Variants in DHX36 observed in about 807,000 individuals in gnomAD.
The protein encoded by DHX36 is ATP-dependent DNA/RNA helicase DHX36.
Under a neutral mutation model 139.0 loss-of-function variants are expected in DHX36, and 50 were observed. That is an observed-to-expected ratio of 0.36 (90% CI 0.29 to 0.46). DHX36 has a LOEUF of 0.46. DHX36 is among the 20% of genes least tolerant of loss of function. DHX36 has a pLI of 1.00. For missense variants in DHX36, 1,024 were observed against 1,211.3 expected (o/e 0.85, Z 2.29); for synonymous variants, 425 against 401.9 (o/e 1.06, Z -0.69).
rs552302622 is a variant in DHX36, at chr3:154,317,151, G to C, written c.244-988C>G. Reference sequence around the variant, plus strand: ...TCAAAGAACTGTTTTCAAATTCAAGGGTGGATCCTGAGAGAGCAGCAGTAA... The same window carrying C: ...TCAAAGAACTGTTTTCAAATTCAAGCGTGGATCCTGAGAGAGCAGCAGTAA... On this transcript the variant is annotated intron_variant, in intron 1 of 24. Coordinates refer to ENST00000496811, the MANE Select transcript of DHX36 (RefSeq NM_020865.3). 4.6e-5 allele frequency among the ~76,000 whole-genome samples: 7 copies of C among 152,102 alleles called. No homozygotes were observed. The South Asian group carries it at 1.2e-3, about 27-fold the overall frequency.
chr3:154,300,805 G>C (rs1712239155), intron 10 of DHX36, 109 bp from the exon 11 acceptor site: 1 of 1,264,604 alleles, frequency 7.9e-7, no homozygotes, highest in Non-Finnish European at 1.1e-6. Flanking sequence ...ATAATCTACA[G>C]ATCGGAGAGA....
At chr3:154,279,820 A>C (rs1576854767) in intron 22 of DHX36, 1 of 152,232 alleles carries the variant, frequency 6.6e-6, no homozygotes, top group East Asian at 1.9e-4. Flanking sequence ...GTTACTACAC[A>C]ATGACTGTTT....
intron 17 of DHX36, 108 bp downstream of exon 17, chr3:154,288,758 G>T: frequency 2.0e-6 from 1 of 504,624 alleles, no homozygotes; most frequent in Non-Finnish European, 3.3e-6. Flanking sequence ...ATTTGGCATT[G>T]GACATTATTG....
intron 12 of DHX36, among the ~76,000 whole-genome samples, chr3:154,297,188 C>T (rs1006613061): frequency 1.3e-5 from 2 of 152,014 alleles, no homozygotes; most frequent in African/African-American, 4.8e-5. Context: ...TTTGAACAGG[C>T]TAGTTGTGAA....
chr3:154,283,229 C>T lies in DHX36; in HGVS notation c.2335G>A (p.Asp779Asn), dbSNP rs983909341. The T allele has an allele frequency of 1.2e-6, 2 of 1,613,854 alleles. No individual in the cohort carries two copies. The highest frequency in any genetic ancestry group is 2.7e-5 in the African/African-American group (2 of 75,036). Residue 779 changes from aspartate (D) to asparagine (N), a missense_variant, in exon 20 of 25, where the codon GAC (aspartate) becomes AAC (asparagine). By Grantham distance (23) the Asp-to-Asn change is conservative. Coordinates refer to ENST00000496811, the MANE Select transcript of DHX36 (RefSeq NM_020865.3). ...ARRRGFRYEK[D>N]YCWEYFLSSN... ...GACAGAAAATATTCCCAGCAATAGT[C>T]CTTTTCGTATCTGAAACCACGTCGC...
chr3:154,300,063 G>T, intron 11 of DHX36, 138 bp from the exon 12 acceptor site: 2 of 608,922 alleles, frequency 3.3e-6, no homozygotes, highest in South Asian at 4.4e-5. Context: ...AAGTATATAA[G>T]CTTTTTTTTT....
chr3:154,314,832 A>G, intron 3 of DHX36: 1 of 436,976 alleles, frequency 2.3e-6, no homozygotes, highest in South Asian at 4.1e-5. Context: ...TTCTCACCAC[A>G]TAAGCTTCTG....
chr3:154,312,226 C>T (rs1462201159), intron 3 of DHX36: 2 of 152,114 alleles, frequency 1.3e-5, no homozygotes, highest in East Asian at 1.9e-4. Context: ...AAGATTTTAT[C>T]TCATACGGTT....
Position 154,299,889 on chromosome 3 carries a change from T to C in DHX36, c.1498A>G (p.Asn500Asp), listed in dbSNP as rs1712198062. Reference protein sequence around the residue: ...AILVFLPGWDNISTLHDLLMS... With the variant: ...AILVFLPGWDDISTLHDLLMS... ...AAGAGATCATGTAAAGTGCTGATAT[T>C]GTCCCAGCCTGGCAGAAAGACCAGT... The change falls in exon 12 of 25, where the codon AAT (asparagine) becomes GAT (aspartate). Residue 500 changes from asparagine to aspartate, a missense_variant. Asn to Asp is a conservative substitution (Grantham distance 23, BLOSUM62 1). Around this residue, in one of 4 missense-constraint regions of DHX36, gnomAD observed 470 missense variants for 616.2 expected, o/e 0.76. Coordinates refer to ENST00000496811, the MANE Select transcript of DHX36 (RefSeq NM_020865.3). 1 of 1,613,856 alleles carries C rather than the reference T, an allele frequency of 6.2e-7. No homozygotes were observed. The highest frequency in any genetic ancestry group is 8.5e-7 in the Non-Finnish European group (1 of 1,179,776).
At chr3:154,280,693 G>A (rs1390370181) in intron 21 of DHX36, 24 bp from the exon 22 acceptor site, 3 of 1,606,888 alleles carry the variant, frequency 1.9e-6, no homozygotes, top group Non-Finnish European at 2.6e-6. Flanking sequence ...GAAGGTAGAG[G>A]GGAAAAGAAA....
rs1444301834 is a variant in DHX36, at chr3:154,300,676, T to A, written c.1379A>T (p.Asp460Val). 6.2e-7 allele frequency: 1 copy of A among 1,613,214 alleles called. No homozygotes were observed. Among genetic ancestry groups the A allele is most frequent in the Non-Finnish European group, 8.5e-7 (1 of 1,179,332 alleles). The change falls in exon 11 of 25, where the codon GAT (aspartate) becomes GTT (valine). Residue 460 changes from aspartate to valine, a missense_variant. By Grantham distance (152) the Asp-to-Val change is radical. This residue lies in a region of DHX36 where 115 missense variants were observed against 105.6 expected (regional missense o/e 1.09). Transcript: ENST00000496811. The stretch of plus-strand genomic sequence containing the variant: ...ATCATCCTCCATCATTTCTATAACA[T>A]CTACAGTACTTGCAGAATACCTATC... Reference protein sequence around the residue: ...LRRRYSASTVDVIEMMEDDKV... With the variant: ...LRRRYSASTVVVIEMMEDDKV...
intron 3 of DHX36, among the ~76,000 whole-genome samples, chr3:154,312,494 A>C (rs1362295351): frequency 6.6e-6 from 1 of 152,120 alleles, no homozygotes; most frequent in East Asian, 1.9e-4. Context: ...AATGTAAAAA[A>C]AAAACTTCAG....
intron 1 of DHX36, among the ~76,000 whole-genome samples, chr3:154,319,490 A>C (rs1481607523): frequency 6.6e-6 from 1 of 152,182 alleles, no homozygotes; most frequent in African/African-American, 2.4e-5. Context: ...CACCAAACCT[A>C]AACCCGCCTG....
Position 154,300,470 on chromosome 3 carries a change from T to C in DHX36, c.1461+124A>G, listed in dbSNP as rs773140435. 6.8e-6 allele frequency: 5 copies of C among 737,248 alleles called. No homozygotes were observed. The East Asian group carries it at 8.1e-5, about 12-fold the overall frequency. 45.7% of individuals were successfully genotyped at this position (737,248 alleles called of 1,614,324 possible). ...TCTTTTGCTACTATGAGATGATTTC[T>C]AGTATCAAAAGTAATTTCTTCCAGT... On this transcript the variant is annotated intron_variant, in intron 11 of 24. Coordinates refer to ENST00000496811, the MANE Select transcript of DHX36 (RefSeq NM_020865.3).
intron 8 of DHX36, 77 bp from the exon 9 acceptor site, chr3:154,303,487 T>C: frequency 9.4e-7 from 1 of 1,068,914 alleles, no homozygotes. Context: ...AATAGGACAA[T>C]GACTCTATTA....
At chr3:154,278,331 G>A (rs1719220956) in intron 22 of DHX36, among the ~76,000 whole-genome samples, 2 of 151,338 alleles carry the variant, frequency 1.3e-5, no homozygotes, top group South Asian at 4.2e-4. Context: ...ATCTCAATTT[G>A]TAAAAGTCTT....
chr3:154,274,269 C>A lies in DHX36; in HGVS notation c.*1902G>T. The A allele has an allele frequency of 6.1e-6, 1 of 164,982 alleles. No homozygotes were observed. Among genetic ancestry groups the A allele is most frequent in the Non-Finnish European group, 1.3e-5 (1 of 77,182 alleles). 10.2% of individuals were successfully genotyped at this position (164,982 alleles called of 1,614,324 possible). ...GCTGCAGTGAACCAAGATCACACCA[C>A]TGCACTCCAGCCTGGGTGACAGGGC... is the stretch of plus-strand genomic sequence containing the variant. On this transcript the variant is annotated 3_prime_UTR_variant, in exon 25 of 25. Transcript: ENST00000496811.
intron 5 of DHX36, 36 bp from the exon 6 acceptor site, chr3:154,306,331 T>C (rs201949370): frequency 1.9e-6 from 3 of 1,549,354 alleles, no homozygotes; most frequent in Non-Finnish European, 2.7e-6. Context: ...GAATATAATT[T>C]CCTTTAGAAC....
At chr3:154,305,797 G>A (rs752713926) in intron 6 of DHX36, among the ~76,000 whole-genome samples, 1 of 152,044 alleles carries the variant, frequency 6.6e-6, no homozygotes, top group Non-Finnish European at 1.5e-5. Context: ...AACATAAAAA[G>A]GCAAATGGAG....
Sources: gnomAD v4.1 joint callset for allele counts (sites outside exome capture counted in the v4.1 genomes callset) on GRCh38, gnomAD v4.1.1 for gene constraint, gnomAD v4.1.1 regional missense constraint, MANE v1.5 for transcripts, NCBI Gene and HGNC (gene_info 2026-07-23, HGNC 2026-07-21) for gene names.